LRRTM4: variants seen among roughly 807,000 people sequenced by gnomAD.
LRRTM4 encodes the protein leucine-rich repeat transmembrane neuronal protein 4.
A neutral mutation model predicts 47.6 loss-of-function variants in LRRTM4; 25 were observed. That is an observed-to-expected ratio of 0.53 (90% CI 0.38 to 0.73). The LOEUF is 0.73. Ranked by LOEUF, LRRTM4 falls within the 30% of genes least tolerant of loss-of-function variation. The pLI, the probability that LRRTM4 is intolerant of heterozygous loss-of-function variation, is 0.00. For missense variants in LRRTM4, 638 were observed against 713.4 expected (o/e 0.89, Z 1.20); for synonymous variants, 311 against 269.5 (o/e 1.15, Z -1.51).
At chr2:76,954,284 C>T (rs878872496) in intron 3 of LRRTM4, among the ~76,000 whole-genome samples, 1 of 151,610 alleles carries the variant, frequency 6.6e-6, no homozygotes, top group Non-Finnish European at 1.5e-5. Flanking sequence ...AAATAACCAT[C>T]AAAAAGATGA....
chr2:77,018,259 C>CT (rs59294966), intron 3 of LRRTM4, among the ~76,000 whole-genome samples: 9,970 of 74,478 alleles, frequency 0.13, 1,191 homozygotes, highest in Admixed American at 0.19. Context: ...CTCTTGATTG[C>CT]TTTTTTTTTT....
intron 3 of LRRTM4, among the ~76,000 whole-genome samples, chr2:77,099,159 G>C (rs186345375): frequency 2.1e-4 from 32 of 151,642 alleles, no homozygotes; most frequent in African/African-American, 7.7e-4. Flanking sequence ...TGTTCACAAC[G>C]GTATGAATTC....
intron 3 of LRRTM4, among the ~76,000 whole-genome samples, chr2:76,998,797 C>T (rs577545449): frequency 1.3e-3 from 189 of 147,764 alleles, no homozygotes; most frequent in African/African-American, 4.4e-3. Flanking sequence ...TAACATCAGG[C>T]GTACATTGAG....
At chr2:76,858,706 G>C (rs770381080) in intron 3 of LRRTM4, among the ~76,000 whole-genome samples, 2 of 152,104 alleles carry the variant, frequency 1.3e-5, no homozygotes, top group Non-Finnish European at 2.9e-5. Flanking sequence ...GTATTCTCTG[G>C]CAATTTTGAA....
chr2:77,344,880 C>T (rs1671505325), intron 3 of LRRTM4, among the ~76,000 whole-genome samples: 1 of 151,186 alleles, frequency 6.6e-6, no homozygotes, highest in African/African-American at 2.4e-5. Flanking sequence ...GATGAACATA[C>T]CTGGGGGTAA....
chr2:76,786,177 G>C (rs767374694), intron 3 of LRRTM4, among the ~76,000 whole-genome samples: 3 of 151,970 alleles, frequency 2.0e-5, no homozygotes, highest in African/African-American at 4.8e-5. Flanking sequence ...CATTCATAGA[G>C]CAATTTATAA....
chr2:76,908,931 T>C (rs950737621), intron 3 of LRRTM4, among the ~76,000 whole-genome samples: 2 of 152,264 alleles, frequency 1.3e-5, no homozygotes, highest in East Asian at 3.9e-4. Context: ...AGGTAATTGA[T>C]AGATTCAATG....
intron 3 of LRRTM4, among the ~76,000 whole-genome samples, chr2:76,793,326 C>A (rs747269785): frequency 6.6e-6 from 1 of 152,078 alleles, no homozygotes; most frequent in Non-Finnish European, 1.5e-5. Flanking sequence ...TCTGGCTATT[C>A]AATGACAGAG....
Position 76,954,182 on chromosome 2 carries a change from T to C in LRRTM4, c.1552-205266A>G, listed in dbSNP as rs143352379. Among the ~76,000 whole-genome samples, 1,316 of 151,684 alleles carry C rather than the reference T, an allele frequency of 8.7e-3. 27 individuals are homozygous for C. The highest frequency in any genetic ancestry group is 0.029 in the African/African-American group (1,210 of 41,364). Reference sequence around the variant, plus strand: ...CAATGTTACACGGCATGTAAAGAAATAGAAATAAGGCCTAATCAAAGAAAC... The same window carrying C: ...CAATGTTACACGGCATGTAAAGAAACAGAAATAAGGCCTAATCAAAGAAAC... On this transcript the variant is annotated intron_variant, in intron 3 of 3. Coordinates refer to ENST00000409884, the MANE Select transcript of LRRTM4 (RefSeq NM_001134745.3).
chr2:76,793,072 AATAACTTCCT>A (rs1396666922), intron 3 of LRRTM4, among the ~76,000 whole-genome samples: 1 of 152,188 alleles, frequency 6.6e-6, no homozygotes, highest in Non-Finnish European at 1.5e-5. Flanking sequence ...AGCAGTATTA[AATAACTTCCT>A]GAAAGTCACA....
At chr2:76,859,799 G>C (rs1213260032) in intron 3 of LRRTM4, among the ~76,000 whole-genome samples, 1 of 151,578 alleles carries the variant, frequency 6.6e-6, no homozygotes, top group African/African-American at 2.4e-5. Context: ...GTATCCCCTG[G>C]TTGTGACCTG....
intron 3 of LRRTM4, among the ~76,000 whole-genome samples, chr2:77,186,904 A>G (rs1297915702): frequency 6.6e-6 from 1 of 152,160 alleles, no homozygotes; most frequent in Non-Finnish European, 1.5e-5. Flanking sequence ...TTGAAAAATA[A>G]TTTACATTTT....
chr2:77,167,417 A>G (rs1672917245), intron 3 of LRRTM4, among the ~76,000 whole-genome samples: 1 of 152,236 alleles, frequency 6.6e-6, no homozygotes, highest in African/African-American at 2.4e-5. Flanking sequence ...ATCTAGAACT[A>G]TAAATGCCAT....
intron 3 of LRRTM4, among the ~76,000 whole-genome samples, chr2:77,059,585 T>A (rs576390163): frequency 6.6e-6 from 1 of 152,272 alleles, no homozygotes; most frequent in African/African-American, 2.4e-5. Context: ...TCAATAATTT[T>A]GTTTTCTTTT....
chr2:76,791,670 C>T (rs1297612619), intron 3 of LRRTM4, among the ~76,000 whole-genome samples: 3 of 152,158 alleles, frequency 2.0e-5, no homozygotes, highest in East Asian at 1.9e-4. Flanking sequence ...AAGACAATTT[C>T]AGTACTTATT....
chr2:77,005,087 G>C (rs962382351), intron 3 of LRRTM4, among the ~76,000 whole-genome samples: 1 of 151,944 alleles, frequency 6.6e-6, no homozygotes, highest in East Asian at 1.9e-4. Context: ...TGGACTTTTG[G>C]GTTAATGCTG....
rs149056303 is a variant in LRRTM4 at position 77,470,599 on chromosome 2, C to T, written c.1551+47719G>A. On this transcript the variant is annotated intron_variant, in intron 3 of 3. Transcript: ENST00000409884. Reference sequence around the variant, plus strand: ...TGAGAAAGTTTAGGTACAAGCACAACCTTTGTTGACAGCCCATAAAAATGC... The same window carrying T: ...TGAGAAAGTTTAGGTACAAGCACAATCTTTGTTGACAGCCCATAAAAATGC... Among the ~76,000 whole-genome samples, 660 of 152,122 alleles carry T rather than the reference C, an allele frequency of 4.3e-3. 3 individuals carry two copies. Among genetic ancestry groups the T allele is most frequent in the African/African-American group, 0.015 (634 of 41,502 alleles).
intron 3 of LRRTM4, among the ~76,000 whole-genome samples, chr2:77,065,848 A>G (rs141940981): frequency 6.6e-6 from 1 of 152,276 alleles, no homozygotes; most frequent in Non-Finnish European, 1.5e-5. Flanking sequence ...CCATTTTTAT[A>G]TTGGTAAAAA....
intron 3 of LRRTM4, among the ~76,000 whole-genome samples, chr2:77,088,453 C>A (rs540901948): frequency 1.3e-5 from 2 of 152,176 alleles, no homozygotes; most frequent in South Asian, 4.2e-4. Context: ...CAAAAAGCAC[C>A]CCGACTGAGC....
Sources: gnomAD v4.1 joint callset for allele counts (sites outside exome capture counted in the v4.1 genomes callset) on GRCh38, gnomAD v4.1.1 for gene constraint, MANE v1.5 for transcripts, NCBI Gene and HGNC (gene_info 2026-07-23, HGNC 2026-07-21) for gene names.